Variants in FRMD6 observed in about 807,000 individuals in gnomAD.
The protein encoded by FRMD6 is FERM domain-containing protein 6.
A neutral mutation model predicts 73.2 loss-of-function variants in FRMD6; 37 were observed. The ratio of observed to expected loss-of-function variants is 0.51; its 90% confidence interval spans 0.39 to 0.66. The LOEUF (loss-of-function observed/expected upper bound fraction) is 0.66, where lower values mean the gene tolerates loss of function less well. Ranked by LOEUF, FRMD6 falls within the 30% of genes least tolerant of loss-of-function variation. The pLI is 0.00. For synonymous variants in FRMD6, 273 were observed against 282.2 expected (o/e 0.97, Z 0.33); for missense variants, 714 against 780.5 (o/e 0.91, Z 1.02).
At chr14:51,701,280 T>G in intron 4 of FRMD6, 121 bp downstream of exon 4, 1 of 423,092 alleles carries the variant, frequency 2.4e-6, no homozygotes, top group Non-Finnish European at 4.3e-6. Context: ...ATTTTCTACT[T>G]TATCTACTAA....
chr14:51,481,331 A>G, the FRMD6 span, among the ~76,000 whole-genome samples: 1 of 152,218 alleles, frequency 6.6e-6, no homozygotes, highest in Non-Finnish European at 1.5e-5. Flanking sequence ...AGTGAAAAGC[A>G]TGTCTTATAT....
At chr14:51,479,694 G>C in the FRMD6 span, among the ~76,000 whole-genome samples, 2 of 152,220 alleles carry the variant, frequency 1.3e-5, no homozygotes, top group Non-Finnish European at 2.9e-5. Flanking sequence ...GGAGGTAAGA[G>C]AAAGAAGTGA....
At chr14:51,601,270 T>C (rs998577975) in intron 2 of FRMD6, among the ~76,000 whole-genome samples, 2 of 152,166 alleles carry the variant, frequency 1.3e-5, no homozygotes, top group Admixed American at 1.3e-4. Context: ...TCAAAGCTTG[T>C]TTTAGTTTCC....
chr14:51,534,631 C>G (rs1376707518), intron 1 of FRMD6, among the ~76,000 whole-genome samples: 1 of 152,192 alleles, frequency 6.6e-6, no homozygotes, highest in Non-Finnish European at 1.5e-5. Flanking sequence ...GCCAGTGTCA[C>G]TTTCCCTCCT....
chr14:51,589,716 T>C (rs1316510904), intron 2 of FRMD6, among the ~76,000 whole-genome samples: 1 of 152,000 alleles, frequency 6.6e-6, no homozygotes, highest in East Asian at 1.9e-4. Context: ...ATGACCATGG[T>C]CCAGCTTTCT....
chr14:51,434,200 A>T, the FRMD6 span, among the ~76,000 whole-genome samples: 1 of 152,152 alleles, frequency 6.6e-6, no homozygotes, highest in African/African-American at 2.4e-5. Context: ...TAAAGAAGTA[A>T]ATGTAGATGT....
At chr14:51,521,783 A>C (rs1049148708) in intron 1 of FRMD6, among the ~76,000 whole-genome samples, 1 of 151,978 alleles carries the variant, frequency 6.6e-6, no homozygotes, top group South Asian at 2.1e-4. Context: ...GGCTTAATAC[A>C]TATTGTGGAA....
the FRMD6 span, among the ~76,000 whole-genome samples, chr14:51,470,818 T>C: frequency 6.6e-6 from 1 of 152,250 alleles, no homozygotes; most frequent in Admixed American, 6.5e-5. Context: ...CTAGATGCCA[T>C]ATTGTTATTG....
intron 2 of FRMD6, among the ~76,000 whole-genome samples, chr14:51,645,839 C>T (rs907316097): frequency 1.3e-5 from 2 of 152,108 alleles, no homozygotes; most frequent in African/African-American, 4.8e-5. Context: ...TTATAACCTA[C>T]CCAGGGTAAC....
chr14:51,671,557 G>A (rs761820822), intron 1 of FRMD6, among the ~76,000 whole-genome samples: 13 of 152,166 alleles, frequency 8.5e-5, no homozygotes, highest in Non-Finnish European at 1.5e-4. Context: ...AAAAGGGTAA[G>A]ACAGCAGGAC....
At chr14:51,549,079 G>A (rs1886635342) in intron 1 of FRMD6, among the ~76,000 whole-genome samples, 3 of 152,210 alleles carry the variant, frequency 2.0e-5, no homozygotes, top group Admixed American at 2.0e-4. Context: ...AAAGAAGCAG[G>A]TGCAATGCTG....
chr14:51,662,985 G>A (rs1306771165), intron 1 of FRMD6, among the ~76,000 whole-genome samples: 1 of 152,070 alleles, frequency 6.6e-6, no homozygotes, highest in African/African-American at 2.4e-5. Context: ...CACTTGAAAA[G>A]AAGACATGGA....
the FRMD6 span, among the ~76,000 whole-genome samples, chr14:51,476,331 G>C: frequency 6.6e-6 from 1 of 152,312 alleles, no homozygotes; most frequent in African/African-American, 2.4e-5. Context: ...AAACAGGACC[G>C]TAGATTGCCT....
At chr14:51,530,173 C>T (rs1274820488) in intron 1 of FRMD6, among the ~76,000 whole-genome samples, 1 of 152,158 alleles carries the variant, frequency 6.6e-6, no homozygotes, top group Non-Finnish European at 1.5e-5. Context: ...CTGCATTTTG[C>T]TATTACCTAT....
chr14:51,485,155 G>A (rs891005080), upstream of FRMD6, among the ~76,000 whole-genome samples: 1 of 152,214 alleles, frequency 6.6e-6, no homozygotes, highest in African/African-American at 2.4e-5. Context: ...CATGGTTACA[G>A]AGGGCCTCTC....
At chr14:51,561,682 C>A (rs2139513368) in intron 1 of FRMD6, among the ~76,000 whole-genome samples, 1 of 152,246 alleles carries the variant, frequency 6.6e-6, no homozygotes. Flanking sequence ...TAGTCTTGAG[C>A]TGAAGAGCAC....
chr14:51,672,817 T>C (rs938375724), intron 1 of FRMD6, among the ~76,000 whole-genome samples: 1 of 152,134 alleles, frequency 6.6e-6, no homozygotes, highest in Non-Finnish European at 1.5e-5. Context: ...AATAGTCTTA[T>C]TATTGGGTGC....
At chr14:51,488,373 A>G (rs754363207), upstream of FRMD6, among the ~76,000 whole-genome samples, 2 of 152,176 alleles carry the variant, frequency 1.3e-5, no homozygotes, top group Non-Finnish European at 2.9e-5. Context: ...AAACTGAGAG[A>G]TGGTGTTCTG....
chr14:51,654,704 CT>C (rs1892700662), intron 1 of FRMD6, among the ~76,000 whole-genome samples: 1 of 151,988 alleles, frequency 6.6e-6, no homozygotes, highest in Admixed American at 6.6e-5. Context: ...TTTGGATGAT[CT>C]CAACAAGTTT....
Sources: allele counts gnomAD v4.1 joint callset (sites outside exome capture counted in the v4.1 genomes callset), GRCh38; gene constraint gnomAD v4.1.1; transcripts MANE v1.5; gene names NCBI Gene and HGNC (gene_info 2026-07-23, HGNC 2026-07-21).